The following CENPX variants were observed in gnomAD, a reference collection of about 807,000 sequenced individuals.
The protein encoded by CENPX is centromere protein X.
Under a neutral mutation model 13.2 loss-of-function variants are expected in CENPX, and 13 were observed. The ratio of observed to expected loss-of-function variants is 0.98; its 90% CI spans 0.64 to 1.56. The LOEUF (loss-of-function observed/expected upper bound fraction) is 1.56, where lower values mean the gene tolerates loss of function less well. CENPX is among the 40% of genes most tolerant of loss of function. The pLI is 0.00. For missense variants in CENPX, 138 were observed against 107.5 expected (o/e 1.28, Z -1.26); for synonymous variants, 66 against 47.2 (o/e 1.40, Z -1.63).
chr17:82,021,894 G>A (rs1052131000), intron 1 of CENPX, among the ~76,000 whole-genome samples: 15 of 151,908 alleles, frequency 9.9e-5, no homozygotes, highest in Non-Finnish European at 2.1e-4. Context: ...GACACCCCCC[G>A]CCCCCCACGC....
chr17:82,021,710 G>C (rs2043285910), intron 1 of CENPX, among the ~76,000 whole-genome samples: 1 of 152,212 alleles, frequency 6.6e-6, no homozygotes, highest in Non-Finnish European at 1.5e-5. Flanking sequence ...GGGCTTGATA[G>C]AACACATGAC....
At chr17:82,021,297 C>T (rs931277319) in intron 1 of CENPX, among the ~76,000 whole-genome samples, 26 of 152,238 alleles carry the variant, frequency 1.7e-4, no homozygotes, top group African/African-American at 5.8e-4. Context: ...AGTCACCACC[C>T]GCATGAGCCC....
rs1302344007 is a variant in CENPX, at chr17:82,019,569, C to T, written c.142+72G>A. ...CCTTGTGGGAAACGGGAAAACACGT[C>T]TTGGTTTTCCCGCTGGAAAAACGCA... On this transcript the variant is annotated intron_variant, in intron 3 of 4. Coordinates refer to ENST00000392359, the MANE Select transcript of CENPX (RefSeq NM_001271006.2). 4 of 1,549,146 alleles carry T rather than the reference C, an allele frequency of 2.6e-6. No homozygotes were observed. In the African/African-American group the frequency reaches 4.1e-5, roughly 16 times the overall value.
chr17:82,019,419 G>A, intron 3 of CENPX, 38 bp from the exon 4 acceptor site: 2 of 1,530,190 alleles, frequency 1.3e-6, no homozygotes, highest in Admixed American at 2.0e-5. Context: ...GATGCTGGGG[G>A]GATCTTAAAC....
At chr17:82,019,542 G>T in intron 3 of CENPX, 99 bp downstream of exon 3, 1 of 1,544,620 alleles carries the variant, frequency 6.5e-7, no homozygotes, top group South Asian at 1.2e-5. Context: ...CCAAGTTTAG[G>T]CCCTTGTGGG....
rs549252268 is a variant in CENPX, at chr17:82,021,596, G to A, written c.36+1230C>T. Among the ~76,000 whole-genome samples, 7 of 152,330 alleles carry A rather than the reference G, an allele frequency of 4.6e-5. No homozygotes were observed. In the East Asian group the frequency reaches 9.7e-4, roughly 21 times the overall value. ...CTTTGCCCCATGACGTGGGCGCCAC[G>A]CCAGGGCTACGGGCCCCCCACTCCC... On this transcript the variant is annotated intron_variant, in intron 1 of 4. Coordinates refer to ENST00000392359, the MANE Select transcript of CENPX (RefSeq NM_001271006.2).
intron 1 of CENPX, 180 bp downstream of exon 1, chr17:82,022,646 G>A: frequency 1.4e-6 from 1 of 691,562 alleles, no homozygotes; most frequent in South Asian, 1.9e-5. Context: ...TACCAGCTGC[G>A]AGACACCAGC....
In CENPX at chr17:82,018,904, C is replaced by G. The variant is rs915146453; in HGVS notation, c.*301G>C. 2.6e-6 allele frequency: 1 copy of G among 391,328 alleles called. No homozygotes were observed. Among genetic ancestry groups the G allele is most frequent in the African/African-American group, 2.1e-5 (1 of 48,524 alleles). 24.2% of individuals were successfully genotyped at this position (391,328 alleles called of 1,614,324 possible). A position where few individuals can be genotyped will look rare whatever the true frequency, so the allele number is the denominator to read the frequency against. On this transcript the variant is annotated 3_prime_UTR_variant, in exon 5 of 5. Transcript: ENST00000392359. ...AGGCTACCTGCTGGCCAGGCCTTTC[C>G]CAGCACCTGCCTGTAGGACCCCGGG...
chr17:82,022,041 C>A (rs549313592), intron 1 of CENPX, among the ~76,000 whole-genome samples: 1 of 152,326 alleles, frequency 6.6e-6, no homozygotes, highest in East Asian at 1.9e-4. Flanking sequence ...CAGAGGCCCA[C>A]GAGGCCCTGC....
intron 3 of CENPX, 80 bp from the exon 4 acceptor site, chr17:82,019,461 G>A: frequency 6.6e-7 from 1 of 1,511,750 alleles, no homozygotes; most frequent in Non-Finnish European, 8.9e-7. Flanking sequence ...GCCTGGGCCG[G>A]TGCCCCCCCC....
In CENPX at chr17:82,022,706, G is replaced by T. The variant is rs1048089518; in HGVS notation, c.36+120C>A. 1.2e-5 allele frequency: 15 copies of T among 1,211,778 alleles called. No homozygotes were observed. In the African/African-American group the frequency reaches 1.2e-4, roughly 10 times the overall value. 75.1% of individuals were successfully genotyped at this position (1,211,778 alleles called of 1,614,324 possible). A position where few individuals can be genotyped will look rare whatever the true frequency, so the allele number is the denominator to read the frequency against. ...CCGGCCGGAGATGGAGTCTGAGAACGGGCCCAACCTCAAAGGCACAGGGGG... is the reference window on the plus strand; with the variant it reads ...CCGGCCGGAGATGGAGTCTGAGAACTGGCCCAACCTCAAAGGCACAGGGGG... On this transcript the variant is annotated intron_variant, in intron 1 of 4. Transcript: ENST00000392359.
chr17:82,020,029 C>T, intron 1 of CENPX, 120 bp from the exon 2 acceptor site: 1 of 988,300 alleles, frequency 1.0e-6, no homozygotes. Context: ...TGTGCCTGAG[C>T]CTCTCCCAGG....
rs780599310 is a variant in CENPX at position 82,019,903 on chromosome 17, C to G, written c.43G>C (p.Val15Leu). Residue 15 changes from valine to leucine, a missense_variant, in exon 2 of 5, where the codon GTG becomes CTG. Coordinates refer to ENST00000392359, the MANE Select transcript of CENPX (RefSeq NM_001271006.2). ...GAGSGFRKELVSRLLHLHFKD... is the reference protein window; with the variant it reads ...GAGSGFRKELLSRLLHLHFKD... ...AAGTGCAGGTGCAGCAGCCTGCTCA[C>G]CAGCTCCTAGAAGGGAGGGGGGTGT... 4 of 1,593,050 alleles carry G rather than the reference C, an allele frequency of 2.5e-6. No individual in the cohort carries two copies. The highest frequency in any genetic ancestry group is 1.1e-5 in the South Asian group (1 of 89,590).
At position 82,019,883 on chromosome 17, in the gene CENPX, C is replaced by G; in HGVS notation, c.63G>C (p.Leu21=). The part of the protein sequence containing the change: ...RKELVSRLLH[L]HFKDDKTKVS... ...CTTTGGTCTTGTCATCCTTGAAGTG[C>G]AGGTGCAGCAGCCTGCTCACCAGCT... The change falls in exon 2 of 5, where the codon CTG becomes CTC. Residue 21 remains leucine, a synonymous_variant. Transcript: ENST00000392359. The G allele has an allele frequency of 6.3e-7, 1 of 1,577,816 alleles. No homozygotes were observed. The highest frequency in any genetic ancestry group is 1.4e-5 in the African/African-American group (1 of 73,874).
In CENPX at chr17:82,019,385, C is replaced by A; in HGVS notation, c.143-4G>T. 2 of 1,544,008 alleles carry A rather than the reference C, an allele frequency of 1.3e-6. No homozygotes were observed. Among genetic ancestry groups the A allele is most frequent in the Non-Finnish European group, 1.7e-6 (2 of 1,146,784 alleles). On this transcript the variant is annotated splice_polypyrimidine_tract_variant and splice_region_variant and intron_variant, in intron 3 of 4. Transcript: ENST00000392359. ...CGCACGCCGCGGACTGCTGCTTCTG[C>A]GGTGAGAAACGCGAGAGGTGGGGGA...
intron 1 of CENPX, among the ~76,000 whole-genome samples, chr17:82,021,230 G>A (rs370654932): frequency 2.6e-5 from 4 of 151,924 alleles, no homozygotes; most frequent in African/African-American, 7.3e-5. Context: ...CCAGCATCCC[G>A]GCTTGTCCAG....
intron 1 of CENPX, 47 bp from the exon 2 acceptor site, chr17:82,019,956 CACCCCCCAG>C (rs1259175392): frequency 7.0e-7 from 1 of 1,429,796 alleles, no homozygotes; most frequent in Non-Finnish European, 9.5e-7. Flanking sequence ...CTCCCCCCCG[CACCCCCCAG>C]GGTGGTGACC....
At position 82,022,047 on chromosome 17, in the gene CENPX, C is replaced by T. The variant is rs183525277; in HGVS notation, c.36+779G>A. Among the ~76,000 whole-genome samples the T allele has an allele frequency of 7.7e-4, 117 of 152,318 alleles. 1 individual carries two copies. The highest frequency in any genetic ancestry group is 2.8e-3 in the African/African-American group (115 of 41,556). ...CCCAGGCCACAGAGGCCCACGAGGC[C>T]CTGCTGACATCGAGGAAGCTCGGTG... On this transcript the variant is annotated intron_variant, in intron 1 of 4. Coordinates refer to ENST00000392359, the MANE Select transcript of CENPX (RefSeq NM_001271006.2).
chr17:82,019,773 G>A (rs893880961), intron 2 of CENPX, 79 bp from the exon 3 acceptor site: 13 of 1,553,422 alleles, frequency 8.4e-6, no homozygotes, highest in Admixed American at 3.9e-5. Flanking sequence ...CCGCCCTCCC[G>A]AGGCCTTGGC....
Sources: allele counts gnomAD v4.1 joint callset (sites outside exome capture counted in the v4.1 genomes callset), GRCh38; gene constraint gnomAD v4.1.1; transcripts MANE v1.5; gene names NCBI Gene and HGNC (gene_info 2026-07-23, HGNC 2026-07-21).